Variants in WDR33 observed in about 807,000 individuals in gnomAD.
The protein encoded by WDR33 is pre-mRNA 3' end processing protein WDR33.
In WDR33, 47 loss-of-function variants were observed where a neutral mutation model predicts 164.9. The observed-to-expected ratio is 0.29, with a 90% CI of 0.23 to 0.36. The LOEUF (loss-of-function observed/expected upper bound fraction) is 0.36, where lower values mean the gene tolerates loss of function less well. WDR33 is among the 10% of genes least tolerant of loss of function. WDR33 has a pLI of 1.00. For synonymous variants in WDR33, 505 were observed against 589.0 expected (o/e 0.86, Z 2.06); for missense variants, 1,137 against 1,754.1 (o/e 0.65, Z 6.28).
chr2:127,794,168 G>A (rs1688941756), intron 1 of WDR33, among the ~76,000 whole-genome samples: 1 of 135,702 alleles, frequency 7.4e-6, no homozygotes, highest in African/African-American at 2.8e-5. Context: ...CAGACAGAAA[G>A]ACAGACAGAG....
chr2:127,782,887 T>C (rs1310566533), intron 1 of WDR33, among the ~76,000 whole-genome samples: 2 of 152,128 alleles, frequency 1.3e-5, no homozygotes, highest in African/African-American at 2.4e-5. Flanking sequence ...CAGGCGCCTG[T>C]AGTCCCAGCT....
At chr2:127,746,273 A>C (rs1687165856) in intron 7 of WDR33, among the ~76,000 whole-genome samples, 1 of 151,892 alleles carries the variant, frequency 6.6e-6, no homozygotes, top group Non-Finnish European at 1.5e-5. Context: ...CTAAACCTAA[A>C]AATCACTACT....
In WDR33 at chr2:127,708,369, C is replaced by G. The variant is rs537957671; in HGVS notation, c.3781+308G>C. Among the ~76,000 whole-genome samples, 24 of 152,344 alleles carry G rather than the reference C, an allele frequency of 1.6e-4. 2 individuals are homozygous for G. Among genetic ancestry groups the G allele is most frequent in the African/African-American group, 5.5e-4 (23 of 41,580 alleles). ...GAGAGCCCTTGAGGGTTCCAAGCAG[C>G]CTTGTGGAGGGCAGACTGCCAAGGA... On this transcript the variant is annotated intron_variant, in intron 21 of 21. Transcript: ENST00000322313. This position sits in a 1 kb window ranked among gnomAD's most constrained non-coding sequence, Gnocchi z 6.7.
chr2:127,706,655 G>A lies in WDR33; in HGVS notation c.3782-103C>T. ...CTCTGATGACAATGGACCAGTTCTG[G>A]TGGGTGCCAGGGAGACTGGCAGTGG... On this transcript the variant is annotated intron_variant, in intron 21 of 21. Coordinates refer to ENST00000322313, the MANE Select transcript of WDR33 (RefSeq NM_018383.5). This position sits in a 1 kb window ranked among gnomAD's most constrained non-coding sequence, Gnocchi z 5.1. 9.3e-7 allele frequency: 1 copy of A among 1,074,070 alleles called. No homozygotes were observed. Among genetic ancestry groups the A allele is most frequent in the South Asian group, 1.6e-5 (1 of 63,750 alleles). The allele number at this position is 1,074,070 out of a possible 1,614,324, so 66.5% of individuals were successfully genotyped here.
In WDR33 at chr2:127,720,959, A is replaced by G. The variant is rs1362880528; in HGVS notation, c.1672-606T>C. On this transcript the variant is annotated intron_variant, in intron 15 of 21. Coordinates refer to ENST00000322313, the MANE Select transcript of WDR33 (RefSeq NM_018383.5). This position sits in a 1 kb window ranked among gnomAD's most constrained non-coding sequence, Gnocchi z 5.9. The stretch of plus-strand genomic sequence containing the variant: ...TAACATAGATAAGAAAAATAAGAAC[A>G]AGCTACCTGCTATATGAGCAGACAA... Among the ~76,000 whole-genome samples, 1 of 152,246 alleles carries G rather than the reference A, an allele frequency of 6.6e-6. No individual in the cohort carries two copies. Among genetic ancestry groups the G allele is most frequent in the African/African-American group, 2.4e-5 (1 of 41,466 alleles).
Position 127,723,482 on chromosome 2 carries a change from C to A in WDR33, c.1197-135G>T. ...CTTCTACAAATTTAAAATGTGAGGT[C>A]ATACACTTTGGCTCACATCTGTAAT... On this transcript the variant is annotated intron_variant, in intron 11 of 21. Coordinates refer to ENST00000322313, the MANE Select transcript of WDR33 (RefSeq NM_018383.5). The surrounding 1 kb of genome is among the most constrained non-coding windows in gnomAD (Gnocchi z 5.9). 2.9e-6 allele frequency: 2 copies of A among 700,406 alleles called. No individual in the cohort carries two copies. The highest frequency in any genetic ancestry group is 2.5e-4 in the Middle Eastern group (1 of 3,934). The allele number at this position is 700,406 out of a possible 1,614,324, so 43.4% of individuals were successfully genotyped here. A position where few individuals can be genotyped will look rare whatever the true frequency, so the allele number is the denominator to read the frequency against.
At chr2:127,752,846 C>T (rs1687412709) in intron 7 of WDR33, among the ~76,000 whole-genome samples, 1 of 152,236 alleles carries the variant, frequency 6.6e-6, no homozygotes, top group Non-Finnish European at 1.5e-5. Context: ...ACATTGGCCA[C>T]AGCGTGTCAT....
chr2:127,731,267 C>G (rs932901034), intron 7 of WDR33, among the ~76,000 whole-genome samples: 7 of 138,218 alleles, frequency 5.1e-5, no homozygotes, highest in South Asian at 2.2e-4. Context: ...TGCACTCCAG[C>G]CTGGGCAACA....
chr2:127,750,611 T>C (rs867032942), intron 7 of WDR33, among the ~76,000 whole-genome samples: 5 of 127,500 alleles, frequency 3.9e-5, no homozygotes, highest in Admixed American at 1.8e-4. Flanking sequence ...ATTGTAATCA[T>C]TGCACTCCAG....
In WDR33 at chr2:127,741,869, C is replaced by G. The variant is rs1050111436; in HGVS notation, c.725-15092G>C. Among the ~76,000 whole-genome samples, 9 of 151,726 alleles carry G rather than the reference C, an allele frequency of 5.9e-5. No individual in the cohort carries two copies. The highest frequency in any genetic ancestry group is 1.3e-4 in the Non-Finnish European group (9 of 67,908). On this transcript the variant is annotated intron_variant, in intron 7 of 21. Coordinates refer to ENST00000322313, the MANE Select transcript of WDR33 (RefSeq NM_018383.5). The surrounding 1 kb of genome is among the most constrained non-coding windows in gnomAD (Gnocchi z 4.1). ...GAAAAATGAAAAGATTAGAGAACCA[C>G]TAGAAATTCTTGAAAAGTAAACATG...
intron 7 of WDR33, among the ~76,000 whole-genome samples, chr2:127,758,721 T>C (rs1422332136): frequency 6.6e-6 from 1 of 152,200 alleles, no homozygotes; most frequent in Admixed American, 6.5e-5. Context: ...TGATTCCGTA[T>C]TTTCAACCTG....
Position 127,726,602 on chromosome 2 carries a change from GCTTTGCTCCC to G in WDR33, c.851+39_851+48del. On this transcript the variant is annotated intron_variant, in intron 8 of 21. Transcript: ENST00000322313. The surrounding 1 kb of genome is among the most constrained non-coding windows in gnomAD (Gnocchi z 4.8). The stretch of plus-strand genomic sequence containing the variant: ...AAAGCTAAAAGTTAAAGGACACACT[GCTTTGCTCCC>G]CTTTGTTCAGGGGCCAAGGTGGGGT... 6.2e-7 allele frequency: 1 copy of G among 1,603,008 alleles called. No homozygotes were observed. The highest frequency in any genetic ancestry group is 2.2e-5 in the East Asian group (1 of 44,786).
Position 127,709,034 on chromosome 2 carries a change from C to T in WDR33, c.3566-142G>A. On this transcript the variant is annotated intron_variant, in intron 20 of 21. Transcript: ENST00000322313. The surrounding 1 kb of genome is among the most constrained non-coding windows in gnomAD (Gnocchi z 5.0). The stretch of plus-strand genomic sequence containing the variant: ...CCGCCAGAGGCCAAAGGGTAAGCCA[C>T]CCAGACATCAGGGTGCCTCCTCATG... 1 of 843,184 alleles carries T rather than the reference C, an allele frequency of 1.2e-6. No individual in the cohort carries two copies. The highest frequency in any genetic ancestry group is 1.7e-6 in the Non-Finnish European group (1 of 583,240). 52.2% of individuals were successfully genotyped at this position (843,184 alleles called of 1,614,324 possible). A position where few individuals can be genotyped will look rare whatever the true frequency, so the allele number is the denominator to read the frequency against.
rs1381631063 is a variant in WDR33 at position 127,718,008 on chromosome 2, T to C, written c.2761-745A>G. 1.3e-5 allele frequency among the ~76,000 whole-genome samples: 2 copies of C among 152,136 alleles called. No homozygotes were observed. The highest frequency in any genetic ancestry group is 1.9e-4 in the East Asian group (1 of 5,190). On this transcript the variant is annotated intron_variant, in intron 16 of 21. Transcript: ENST00000322313. This position sits in a 1 kb window ranked among gnomAD's most constrained non-coding sequence, Gnocchi z 4.4. The stretch of plus-strand genomic sequence containing the variant: ...AGCAGTAAATTAATAAAATATATAA[T>C]ACTTCAAGTTTTAGGGCAATTTAGA...
chr2:127,710,318 A>G lies in WDR33; in HGVS notation c.3309-462T>C, dbSNP rs72846241. Among the ~76,000 whole-genome samples, 1 of 152,190 alleles carries G rather than the reference A, an allele frequency of 6.6e-6. No homozygotes were observed. The highest frequency in any genetic ancestry group is 1.5e-5 in the Non-Finnish European group (1 of 68,042). Reference sequence around the variant, plus strand: ...TGCCTCACAAATACTTATCATTATCATCTACATTTGTATGATGAACATTTA... The same window carrying G: ...TGCCTCACAAATACTTATCATTATCGTCTACATTTGTATGATGAACATTTA... On this transcript the variant is annotated intron_variant, in intron 18 of 21. Transcript: ENST00000322313. This position sits in a 1 kb window ranked among gnomAD's most constrained non-coding sequence, Gnocchi z 4.4.
At chr2:127,742,860 T>TAAAAAAAAAAA (rs34957656) in intron 7 of WDR33, among the ~76,000 whole-genome samples, 1 of 127,006 alleles carries the variant, frequency 7.9e-6, no homozygotes. Flanking sequence ...TACTCACAGT[T>TAAAAAAAAAAA]AAAAAAAAAA....
At chr2:127,739,921 A>G (rs189914532) in intron 7 of WDR33, among the ~76,000 whole-genome samples, 1 of 152,352 alleles carries the variant, frequency 6.6e-6, no homozygotes, top group Non-Finnish European at 1.5e-5. Flanking sequence ...AATAACACTG[A>G]ATTCTGATTA....
Position 127,721,810 on chromosome 2 carries a change from A to G in WDR33, c.1671+26T>C, listed in dbSNP as rs372518599. The G allele has an allele frequency of 1.9e-6, 3 of 1,585,266 alleles. No homozygotes were observed. The highest frequency in any genetic ancestry group is 2.7e-5 in the African/African-American group (2 of 73,076). ...CCACTACCCTCTTAGATCATCTTGA[A>G]TTCCCCCCTACAGAGCTTCACACAC... On this transcript the variant is annotated intron_variant, in intron 15 of 21. Coordinates refer to ENST00000322313, the MANE Select transcript of WDR33 (RefSeq NM_018383.5). The surrounding 1 kb of genome is among the most constrained non-coding windows in gnomAD (Gnocchi z 4.9).
rs1354850079 is a variant in WDR33, at chr2:127,787,991, C to G, written c.-23-16987G>C. 3.0e-4 allele frequency among the ~76,000 whole-genome samples: 21 copies of G among 69,096 alleles called. 2 individuals carry two copies. The highest frequency in any genetic ancestry group is 1.4e-4 in the Non-Finnish European group (5 of 36,630). The allele number at this position is 69,096 out of a possible 152,430, so 45.3% of individuals were successfully genotyped here. A position where few individuals can be genotyped will look rare whatever the true frequency, so the allele number is the denominator to read the frequency against. ...CCGGGCAGAGGCGCCCCTCACCTCC[C>G]GGACGGGTTGGCTGGCCGGGCGGGG... On this transcript the variant is annotated intron_variant, in intron 1 of 21. Transcript: ENST00000322313.
Sources: gnomAD v4.1 joint callset for allele counts (sites outside exome capture counted in the v4.1 genomes callset) on GRCh38, gnomAD v4.1.1 for gene constraint, Gnocchi (gnomAD v3.1) non-coding constraint, MANE v1.5 for transcripts, NCBI Gene and HGNC (gene_info 2026-07-23, HGNC 2026-07-21) for gene names.